CHD4: variants seen among roughly 807,000 people sequenced by gnomAD.
CHD4 encodes the protein ATP-dependent chromatin remodeler CHD4.
Under a neutral mutation model 235.5 loss-of-function variants are expected in CHD4, and 35 were observed. The observed-to-expected ratio is 0.15, with a 90% CI of 0.11 to 0.20. CHD4 has a LOEUF of 0.20. Ranked by LOEUF, CHD4 falls within the 10% of genes least tolerant of loss-of-function variation. The probability of loss-of-function intolerance (pLI) is 1.00; values close to 1 mark genes in which losing one functional copy is unlikely to be tolerated. For missense variants in CHD4, 1,329 were observed against 2,432.3 expected, an observed-to-expected ratio of 0.55 and a Z score of 9.54; for synonymous variants, 900 against 850.2, an observed-to-expected ratio of 1.06 and a Z score of -1.02.
intron 34 of CHD4, 98 bp from the exon 35 acceptor site, chr12:6,578,644 C>CA: frequency 6.4e-7 from 1 of 1,562,870 alleles, no homozygotes; most frequent in South Asian, 1.1e-5. Flanking sequence ...CATCCACCTA[C>CA]ACCCCTTCTC....
intron 38 of CHD4, 102 bp downstream of exon 38, chr12:6,572,971 CA>C (rs761881455): frequency 1.5e-5 from 18 of 1,201,712 alleles, no homozygotes; most frequent in Non-Finnish European, 2.1e-5. Context: ...CCTAAACTCC[CA>C]GACAAAGGAG....
intron 15 of CHD4, among the ~76,000 whole-genome samples, chr12:6,594,099 T>G (rs1037747717): frequency 1.3e-5 from 2 of 152,172 alleles, no homozygotes. Flanking sequence ...GCTTCCAAAG[T>G]GCTGGGATTA....
At chr12:6,596,729 G>A (rs747304242) in intron 12 of CHD4, among the ~76,000 whole-genome samples, 4 of 152,032 alleles carry the variant, frequency 2.6e-5, no homozygotes, top group Admixed American at 6.6e-5. Context: ...GAACCCGGGC[G>A]GCGGAGGTTG....
chr12:6,599,751 C>T (rs780400167), intron 10 of CHD4, 22 bp downstream of exon 10: 26 of 1,609,520 alleles, frequency 1.6e-5, no homozygotes, highest in East Asian at 2.2e-5. Flanking sequence ...ATTTTTTGCC[C>T]CGGCTGAGAT....
At chr12:6,594,321 T>C in intron 15 of CHD4, 138 bp downstream of exon 15, 2 of 680,756 alleles carry the variant, frequency 2.9e-6, no homozygotes, top group Non-Finnish European at 5.0e-6. Context: ...CATGTGTACA[T>C]GTGTTTATCT....
At position 6,593,063 on chromosome 12, in the gene CHD4, G is replaced by A. The variant is rs763640224; in HGVS notation, c.2652+28C>T. On this transcript the variant is annotated intron_variant, in intron 17 of 39. Transcript: ENST00000544040. The surrounding 1 kb of genome is among the most constrained non-coding windows in gnomAD (Gnocchi z 4.9). ...GTACTAGAAAAAACCCAAAGTGGGG[G>A]CTCCAACATCCCTCCCTCAGCCCTC... 3 of 1,610,220 alleles carry A rather than the reference G, an allele frequency of 1.9e-6. No individual in the cohort carries two copies. The East Asian group carries it at 6.7e-5, about 36-fold the overall frequency.
intron 6 of CHD4, 99 bp from the exon 7 acceptor site, chr12:6,601,152 A>G: frequency 6.6e-7 from 1 of 1,524,048 alleles, no homozygotes; most frequent in Non-Finnish European, 8.8e-7. Flanking sequence ...CAGATTCCCA[A>G]ATTTCCCTCC....
At chr12:6,596,236 T>A in intron 12 of CHD4, 99 bp from the exon 13 acceptor site, 1 of 1,453,466 alleles carries the variant, frequency 6.9e-7, no homozygotes, top group Non-Finnish European at 9.4e-7. Flanking sequence ...ACCAGACCTC[T>A]AGGTATGCCA....
At chr12:6,588,949 AG>A (rs1377928932) in intron 22 of CHD4, among the ~76,000 whole-genome samples, 1 of 152,156 alleles carries the variant, frequency 6.6e-6, no homozygotes, top group Non-Finnish European at 1.5e-5. Flanking sequence ...TAACTCTTAT[AG>A]AAAAATGTCA....
At position 6,581,889 on chromosome 12, in the gene CHD4, G is replaced by A. The variant is rs1352443721; in HGVS notation, c.4516-75C>T. On this transcript the variant is annotated intron_variant, in intron 30 of 39. Coordinates refer to ENST00000544040, the MANE Select transcript of CHD4 (RefSeq NM_001273.5). ...CTTTCCTATTGGCCTTCCAGTCTCC[G>A]CCTCCCGGGTTCAAGCAATTCTCCT... The A allele has an allele frequency of 2.7e-6, 4 of 1,459,750 alleles. No individual in the cohort carries two copies. Among genetic ancestry groups the A allele is most frequent in the Admixed American group, 4.9e-5 (2 of 40,450 alleles). The allele number at this position is 1,459,750 out of a possible 1,614,324, so 90.4% of individuals were successfully genotyped here.
At chr12:6,582,006 T>C in intron 30 of CHD4, 131 bp downstream of exon 30, 1 of 1,180,656 alleles carries the variant, frequency 8.5e-7, no homozygotes, top group Non-Finnish European at 1.2e-6. Context: ...TTTCGCCATG[T>C]TGACCAGGCT....
At chr12:6,581,487 G>T in intron 31 of CHD4, 99 bp from the exon 32 acceptor site, 1 of 1,498,182 alleles carries the variant, frequency 6.7e-7, no homozygotes, top group Non-Finnish European at 9.3e-7. Flanking sequence ...GTCCTCTCGT[G>T]CCTTTAAGAG....
intron 19 of CHD4, 90 bp from the exon 20 acceptor site, chr12:6,592,147 C>T (rs1185223154): frequency 1.3e-6 from 2 of 1,509,728 alleles, no homozygotes; most frequent in Non-Finnish European, 1.8e-6. Flanking sequence ...TTTCTTCCAA[C>T]ACATCCCACT....
In CHD4 at chr12:6,583,376, C is replaced by A; in HGVS notation, c.3882G>T (p.Glu1294Asp). 6.2e-7 allele frequency: 1 copy of A among 1,606,368 alleles called. No homozygotes were observed. The highest frequency in any genetic ancestry group is 8.5e-7 in the Non-Finnish European group (1 of 1,175,192). ...TGATTTCCCGTTCTACCTCCTCTTC[C>A]TCCTGGGACAGAGGGAGGGCCAGGA... ...QYVVREEEMG[E>D]EEEVEREIIK... Residue 1294 changes from glutamate to aspartate, a missense_variant and splice_region_variant, in exon 26 of 40, where the codon GAG (glutamate) becomes GAT (aspartate). Coordinates refer to ENST00000544040, the MANE Select transcript of CHD4 (RefSeq NM_001273.5).
At chr12:6,598,806 CT>C (rs773836717) in intron 10 of CHD4, among the ~76,000 whole-genome samples, 20 of 152,190 alleles carry the variant, frequency 1.3e-4, no homozygotes, top group South Asian at 6.2e-4. Flanking sequence ...AAGACTCCAT[CT>C]CAAAAAAATA....
rs901695687 is a variant in CHD4 at position 6,595,982 on chromosome 12, T to C, written c.2024+24A>G. 16 of 1,591,876 alleles carry C rather than the reference T, an allele frequency of 1.0e-5. No individual in the cohort carries two copies. The African/African-American group carries it at 1.1e-4, about 11-fold the overall frequency. On this transcript the variant is annotated intron_variant, in intron 13 of 39. Transcript: ENST00000544040. Reference sequence around the variant, plus strand: ...AAAAAAAAAAAAAAAGAAACAACTCTATGCCTCACCCAAAATCACTCACCT... The same window carrying C: ...AAAAAAAAAAAAAAAGAAACAACTCCATGCCTCACCCAAAATCACTCACCT...
intron 12 of CHD4, among the ~76,000 whole-genome samples, chr12:6,596,969 A>G (rs1259078869): frequency 2.0e-5 from 3 of 150,186 alleles, no homozygotes; most frequent in African/African-American, 7.4e-5. Flanking sequence ...AAAAAATATA[A>G]TAAATAAATA....
At position 6,592,566 on chromosome 12, in the gene CHD4, GCTTC is replaced by G; in HGVS notation, c.2775-4_2775-1del. 6.3e-7 allele frequency: 1 copy of G among 1,581,114 alleles called. No homozygotes were observed. Among genetic ancestry groups the G allele is most frequent in the Admixed American group, 1.8e-5 (1 of 54,998 alleles). ...ACTCCTCCAAAAAACCTTCCAAATT[GCTTC>G]AGAAAGAAAAAGGAAAAAAGTTATT... On this transcript the variant is annotated splice_acceptor_variant and splice_polypyrimidine_tract_variant and intron_variant, in intron 18 of 39. Coordinates refer to ENST00000544040, the MANE Select transcript of CHD4 (RefSeq NM_001273.5). LOFTEE classifies it high-confidence loss of function.
intron 22 of CHD4, among the ~76,000 whole-genome samples, chr12:6,590,935 C>T (rs989651735): frequency 2.0e-5 from 3 of 151,696 alleles, no homozygotes; most frequent in Non-Finnish European, 4.4e-5. Flanking sequence ...CCATCTTGGC[C>T]AACATGGTGA....
Sources: allele counts gnomAD v4.1 joint callset (sites outside exome capture counted in the v4.1 genomes callset), GRCh38; gene constraint gnomAD v4.1.1; non-coding constraint Gnocchi (gnomAD v3.1); transcripts MANE v1.5; gene names NCBI Gene and HGNC (gene_info 2026-07-23, HGNC 2026-07-21).